The following PHF11 variants were observed in gnomAD, a reference collection of about 807,000 sequenced individuals.
PHF11 encodes the protein PHD finger protein 11.
Under a neutral mutation model 40.5 loss-of-function variants are expected in PHF11, and 38 were observed. The ratio of observed to expected loss-of-function variants is 0.94; its 90% CI spans 0.72 to 1.23. The LOEUF (loss-of-function observed/expected upper bound fraction) is 1.23. Among genes scored for constraint, PHF11 ranks in the 50% most tolerant of loss-of-function variants. PHF11 has a pLI of 0.00. For synonymous variants in PHF11, 127 were observed against 138.2 expected (o/e 0.92, Z 0.57); for missense variants, 369 against 392.4 (o/e 0.94, Z 0.50).
At chr13:49,501,177 CTAAT>C (rs951025171) in intron 1 of PHF11, among the ~76,000 whole-genome samples, 15 of 152,000 alleles carry the variant, frequency 9.9e-5, no homozygotes, top group African/African-American at 3.4e-4. Context: ...CCACGCCTGG[CTAAT>C]TTTGTATTTT....
At chr13:49,499,926 T>C (rs1483200154) in intron 1 of PHF11, among the ~76,000 whole-genome samples, 1 of 152,210 alleles carries the variant, frequency 6.6e-6, no homozygotes, top group Non-Finnish European at 1.5e-5. Context: ...AATGTGTTCC[T>C]TGACCACGCT....
chr13:49,504,490 AGCCGCCCC>A, intron 1 of PHF11, among the ~76,000 whole-genome samples: 1 of 63,488 alleles, frequency 1.6e-5, no homozygotes, highest in African/African-American at 3.9e-5. Flanking sequence ...CCGCCCGGCC[AGCCGCCCC>A]GTCCGGGAGG....
intron 1 of PHF11, among the ~76,000 whole-genome samples, chr13:49,501,015 T>TTTTTTTTTTTTTTTTTTTTTTAATTG (rs1958897257): frequency 1.6e-5 from 1 of 60,710 alleles, no homozygotes; most frequent in African/African-American, 6.5e-5. Flanking sequence ...TTTTTTTTTT[T>TTTTTTTTTTTTTTTTTTTTTTAATTG]GGTTTTTTTT....
chr13:49,497,310 C>T lies in PHF11; in HGVS notation c.94+1215C>T, dbSNP rs1299155853. ...CTTCCATTTCTGAAATGATCTCAAA[C>T]TGAGTATGTCCCAAAGAGAATTCTT... On this transcript the variant is annotated intron_variant, in intron 1 of 9. Coordinates refer to ENST00000378319, the MANE Select transcript of PHF11 (RefSeq NM_001040443.3). 1.2e-5 allele frequency: 8 copies of T among 660,898 alleles called. No individual in the cohort carries two copies. The East Asian group carries it at 3.9e-4, about 32-fold the overall frequency. The allele number at this position is 660,898 out of a possible 1,614,324, so 40.9% of individuals were successfully genotyped here.
intron 1 of PHF11, chr13:49,497,132 A>AT (rs1461456618): frequency 7.8e-7 from 1 of 1,289,494 alleles, no homozygotes; most frequent in African/African-American, 1.5e-5. Flanking sequence ...ACCAAACCAC[A>AT]AAACGTCACA....
At chr13:49,499,378 G>A (rs547438153) in intron 1 of PHF11, among the ~76,000 whole-genome samples, 56 of 152,190 alleles carry the variant, frequency 3.7e-4, no homozygotes, top group Non-Finnish European at 4.7e-4. Context: ...CCCTAAAGGA[G>A]TCCATTGAAT....
chr13:49,506,823 T>A (rs767604404), intron 2 of PHF11, 67 bp downstream of exon 2: 9 of 1,048,318 alleles, frequency 8.6e-6, no homozygotes, highest in Non-Finnish European at 1.2e-5. Context: ...TAAGAATAGA[T>A]AAACAACACT....
intron 2 of PHF11, among the ~76,000 whole-genome samples, chr13:49,509,534 A>G (rs1959055754): frequency 6.6e-6 from 1 of 152,148 alleles, no homozygotes; most frequent in Admixed American, 6.6e-5. Context: ...TTCTACAAAT[A>G]AGGTGATATG....
chr13:49,501,311 C>G (rs1039298774), intron 1 of PHF11, among the ~76,000 whole-genome samples: 1 of 152,082 alleles, frequency 6.6e-6, no homozygotes, highest in Admixed American at 6.5e-5. Flanking sequence ...CTACGCCCAG[C>G]CCCACTGGCT....
rs370042843 is a variant in PHF11 at position 49,527,903 on chromosome 13, C to T, written c.842-608C>T. On this transcript the variant is annotated intron_variant, in intron 9 of 9. Coordinates refer to ENST00000378319, the MANE Select transcript of PHF11 (RefSeq NM_001040443.3). ...TTACTCATATTTTAAGTTAACTATA[C>T]GTATGCAGTTATTCTGAATAAAGTT... Among the ~76,000 whole-genome samples, 15 of 151,710 alleles carry T rather than the reference C, an allele frequency of 9.9e-5. No homozygotes were observed. The South Asian group carries it at 1.3e-3, about 13-fold the overall frequency.
chr13:49,504,588 A>C (rs1465129837), intron 1 of PHF11, among the ~76,000 whole-genome samples: 1 of 125,548 alleles, frequency 8.0e-6, no homozygotes, highest in Non-Finnish European at 1.6e-5. Context: ...TCCGGGAGGG[A>C]GGTGGGGGGT....
chr13:49,519,652 G>T (rs770462072), intron 4 of PHF11, among the ~76,000 whole-genome samples: 1 of 146,540 alleles, frequency 6.8e-6, no homozygotes, highest in Non-Finnish European at 1.5e-5. Context: ...AAGCACATGG[G>T]ATAACGAGAG....
chr13:49,515,696 C>T (rs1045017465), intron 3 of PHF11, among the ~76,000 whole-genome samples: 11 of 152,094 alleles, frequency 7.2e-5, no homozygotes, highest in African/African-American at 2.2e-4. Context: ...GCGGAGTCAC[C>T]CATCTTGTTC....
Position 49,522,042 on chromosome 13 carries a change from G to T in PHF11, c.506-1G>T. On this transcript the variant is annotated splice_acceptor_variant, in intron 5 of 9. Transcript: ENST00000378319. LOFTEE classifies it high-confidence loss of function. The stretch of plus-strand genomic sequence containing the variant: ...AATTTTTAAATGGTTTATATTTTTA[G>T]CTAAATTTTCAGGAGTGAAAAGAAA... The T allele has an allele frequency of 7.0e-7, 1 of 1,429,710 alleles. No homozygotes were observed. Among genetic ancestry groups the T allele is most frequent in the Non-Finnish European group, 9.9e-7 (1 of 1,014,432 alleles). 88.6% of individuals were successfully genotyped at this position (1,429,710 alleles called of 1,614,324 possible). A position where few individuals can be genotyped will look rare whatever the true frequency, so the allele number is the denominator to read the frequency against.
intron 1 of PHF11, among the ~76,000 whole-genome samples, chr13:49,502,289 AAGACCC>A (rs1176398432): frequency 6.6e-6 from 1 of 152,120 alleles, no homozygotes; most frequent in Non-Finnish European, 1.5e-5. Flanking sequence ...GTGACAGGGC[AAGACCC>A]TGTCTCAAAA....
rs920968049 is a variant in PHF11, at chr13:49,528,963, T to C, written c.*298T>C. On this transcript the variant is annotated 3_prime_UTR_variant, in exon 10 of 10. Coordinates refer to ENST00000378319, the MANE Select transcript of PHF11 (RefSeq NM_001040443.3). ...ATGATAGCCTCTTAGATATAATAAA[T>C]TTGGATTATACTACTTTACTTGTAC... 2 of 223,298 alleles carry C rather than the reference T, an allele frequency of 9.0e-6. No individual in the cohort carries two copies. Among genetic ancestry groups the C allele is most frequent in the African/African-American group, 4.5e-5 (2 of 44,182 alleles). 13.8% of individuals were successfully genotyped at this position (223,298 alleles called of 1,614,324 possible). A position where few individuals can be genotyped will look rare whatever the true frequency, so the allele number is the denominator to read the frequency against.
At position 49,505,291 on chromosome 13, in the gene PHF11, C is replaced by T. The variant is rs1018100903; in HGVS notation, c.95-1344C>T. 5.3e-5 allele frequency among the ~76,000 whole-genome samples: 8 copies of T among 151,680 alleles called. No homozygotes were observed. The East Asian group carries it at 1.6e-3, about 29-fold the overall frequency. On this transcript the variant is annotated intron_variant, in intron 1 of 9. Transcript: ENST00000378319. ...AAGCTGGGGACTGTTAATTTGTGTC[C>T]CCGGTAGGTGGGACCCAAATCCAAG...
intron 2 of PHF11, among the ~76,000 whole-genome samples, chr13:49,510,879 G>C (rs1959073304): frequency 6.6e-6 from 1 of 152,154 alleles, no homozygotes. Context: ...CATTTTAAGT[G>C]TCCAATTCAG....
At chr13:49,508,043 T>A (rs1959029815) in intron 2 of PHF11, among the ~76,000 whole-genome samples, 1 of 150,624 alleles carries the variant, frequency 6.6e-6, no homozygotes, top group Admixed American at 6.6e-5. Context: ...CATTTATAGA[T>A]GAATTTGGGA....
Sources: allele counts gnomAD v4.1 joint callset (sites outside exome capture counted in the v4.1 genomes callset), GRCh38; gene constraint gnomAD v4.1.1; transcripts MANE v1.5; gene names NCBI Gene and HGNC (gene_info 2026-07-23, HGNC 2026-07-21).